Variants in DISC1 observed in about 807,000 individuals in gnomAD.
DISC1 encodes disrupted in schizophrenia 1 protein.
A neutral mutation model predicts 84.5 loss-of-function variants in DISC1; 57 were observed. The observed-to-expected ratio is 0.67, with a 90% CI of 0.55 to 0.84. The LOEUF (loss-of-function observed/expected upper bound fraction) is 0.84, where lower values mean the gene tolerates loss of function less well. DISC1 is among the 40% of genes least tolerant of loss of function. The pLI, the probability that DISC1 is intolerant of heterozygous loss-of-function variation, is 0.00. For synonymous variants in DISC1, 411 were observed against 415.2 expected (o/e 0.99, Z 0.12); for missense variants, 1,000 against 1,057.8 (o/e 0.95, Z 0.76).
intron 11 of DISC1, among the ~76,000 whole-genome samples, chr1:232,021,019 C>G (rs188742640): frequency 6.6e-6 from 1 of 152,236 alleles, no homozygotes; most frequent in East Asian, 1.9e-4. Context: ...CCTGTGTGAC[C>G]GTAACATATA....
chr1:231,933,687 C>T (rs1005228459), intron 9 of DISC1, among the ~76,000 whole-genome samples: 5 of 152,188 alleles, frequency 3.3e-5, no homozygotes, highest in Non-Finnish European at 7.3e-5. Flanking sequence ...ATTTTCCAAC[C>T]TCCTTTTAAC....
At chr1:231,655,779 A>C (rs556426325) in intron 1 of DISC1, among the ~76,000 whole-genome samples, 6 of 151,776 alleles carry the variant, frequency 4.0e-5, no homozygotes, top group Non-Finnish European at 8.8e-5. Context: ...TTGACTTTTT[A>C]ATAAAGGGCC....
chr1:231,773,673 T>C (rs566156751), intron 6 of DISC1, among the ~76,000 whole-genome samples: 94 of 152,258 alleles, frequency 6.2e-4, no homozygotes, highest in South Asian at 1.2e-3. Flanking sequence ...CGTGAGCCAC[T>C]GCGCCCAGCC....
chr1:231,678,532 T>C, intron 1 of DISC1, among the ~76,000 whole-genome samples: 1 of 152,132 alleles, frequency 6.6e-6, no homozygotes, highest in East Asian at 1.9e-4. Context: ...ATGGAAGATA[T>C]TAGAATGAAC....
intron 4 of DISC1, 93 bp downstream of exon 4, chr1:231,750,169 G>C (rs747908243): frequency 6.5e-5 from 98 of 1,511,770 alleles, no homozygotes; most frequent in Non-Finnish European, 7.9e-5. Flanking sequence ...CTTAGCTGTA[G>C]AGACCCTTGG....
intron 9 of DISC1, among the ~76,000 whole-genome samples, chr1:231,900,961 G>A (rs1195550496): frequency 6.6e-6 from 1 of 152,226 alleles, no homozygotes; most frequent in Non-Finnish European, 1.5e-5. Context: ...CCATGGGTTT[G>A]GTTGTGGGGC....
At chr1:231,783,982 G>A (rs562533847) in intron 6 of DISC1, among the ~76,000 whole-genome samples, 4 of 152,130 alleles carry the variant, frequency 2.6e-5, no homozygotes, top group African/African-American at 4.8e-5. Context: ...ATGTGACATC[G>A]GCCGGGCACA....
At chr1:231,871,436 G>A (rs1021591949) in intron 9 of DISC1, among the ~76,000 whole-genome samples, 1 of 152,086 alleles carries the variant, frequency 6.6e-6, no homozygotes, top group African/African-American at 2.4e-5. Context: ...CACCAACAGT[G>A]AACACAGCCA....
At chr1:231,654,005 C>T (rs2060851994) in intron 1 of DISC1, among the ~76,000 whole-genome samples, 1 of 152,138 alleles carries the variant, frequency 6.6e-6, no homozygotes. Flanking sequence ...GGTTCTCAAC[C>T]AGAGGGTGGG....
rs547835393 is a variant in DISC1, at chr1:231,773,666, G to A, written c.1634+2596G>A. 1.0e-3 allele frequency among the ~76,000 whole-genome samples: 153 copies of A among 152,290 alleles called. 1 individual carries two copies. The Middle Eastern group carries it at 0.048, about 47-fold the overall frequency. ...CCCAAAGTGCTGAGATTACAGGCGT[G>A]AGCCACTGCGCCCAGCCAATTGGAT... On this transcript the variant is annotated intron_variant, in intron 6 of 12. Coordinates refer to ENST00000439617, the MANE Select transcript of DISC1 (RefSeq NM_018662.3).
chr1:231,910,566 A>G (rs2089114054), intron 9 of DISC1, among the ~76,000 whole-genome samples: 1 of 152,140 alleles, frequency 6.6e-6, no homozygotes, highest in Non-Finnish European at 1.5e-5. Flanking sequence ...CTGTTCTTTT[A>G]CATTTTCTGA....
chr1:232,005,931 A>AT (rs58177023), intron 10 of DISC1, among the ~76,000 whole-genome samples: 152,240 of 152,242 alleles, frequency 1, 76,119 homozygotes, highest in Middle Eastern at 1. Flanking sequence ...AAAATTCCTG[A>AT]TTTTGGTTTT....
chr1:232,034,098 TAG>T (rs1670302904), intron 12 of DISC1, among the ~76,000 whole-genome samples: 3 of 152,190 alleles, frequency 2.0e-5, no homozygotes, highest in Admixed American at 1.3e-4. Context: ...GCAGGTTGGT[TAG>T]AGAGAAGTAC....
intron 4 of DISC1, among the ~76,000 whole-genome samples, chr1:231,758,756 G>T (rs561047576): frequency 6.6e-6 from 1 of 152,310 alleles, no homozygotes; most frequent in African/African-American, 2.4e-5. Context: ...TCCTAAGAGA[G>T]AGAGTTGGCC....
intron 4 of DISC1, among the ~76,000 whole-genome samples, chr1:231,761,882 C>T (rs1001385022): frequency 1.3e-5 from 2 of 152,184 alleles, no homozygotes; most frequent in African/African-American, 2.4e-5. Flanking sequence ...GGGGCCCTCA[C>T]CATGAGATGA....
intron 9 of DISC1, among the ~76,000 whole-genome samples, chr1:231,907,690 A>G (rs1251922826): frequency 6.6e-6 from 1 of 152,242 alleles, no homozygotes; most frequent in Non-Finnish European, 1.5e-5. Flanking sequence ...GTATATACCC[A>G]GTAATGGGAT....
rs146885474 is a variant in DISC1 at position 231,984,758 on chromosome 1, G to C, written c.2043-24027G>C. ...GTTCTGCCCAAGGGGGAAGTCAAGG[G>C]AAGGTACCAAGAAAGTATAGCATTT... On this transcript the variant is annotated intron_variant, in intron 10 of 12. Coordinates refer to ENST00000439617, the MANE Select transcript of DISC1 (RefSeq NM_018662.3). 4.7e-3 allele frequency among the ~76,000 whole-genome samples: 715 copies of C among 152,242 alleles called. 7 individuals carry two copies. The highest frequency in any genetic ancestry group is 0.016 in the African/African-American group (681 of 41,524).
At chr1:231,724,441 T>A (rs905269322) in intron 3 of DISC1, among the ~76,000 whole-genome samples, 2 of 152,152 alleles carry the variant, frequency 1.3e-5, no homozygotes, top group Non-Finnish European at 2.9e-5. Context: ...TTACCCTTCT[T>A]GTAGACATCC....
chr1:231,832,182 A>G (rs2082282839), intron 9 of DISC1, among the ~76,000 whole-genome samples: 1 of 152,056 alleles, frequency 6.6e-6, no homozygotes, highest in Non-Finnish European at 1.5e-5. Context: ...TATATGCCTC[A>G]GGTGTGAGGA....
Sources: gnomAD v4.1 joint callset for allele counts (sites outside exome capture counted in the v4.1 genomes callset) on GRCh38, gnomAD v4.1.1 for gene constraint, MANE v1.5 for transcripts, NCBI Gene and HGNC (gene_info 2026-07-23, HGNC 2026-07-21) for gene names.